Variants in KCNIP4 observed in about 807,000 individuals in gnomAD.
KCNIP4 encodes the protein potassium voltage-gated channel interacting protein 4.
KCNIP4 carries 12 observed loss-of-function variants against 34.0 expected under a neutral mutation model. The ratio of observed to expected loss-of-function variants is 0.35; its 90% confidence interval spans 0.23 to 0.57. The LOEUF (loss-of-function observed/expected upper bound fraction) is 0.57. Among genes scored for constraint, KCNIP4 ranks in the 20% least tolerant of loss-of-function variants. KCNIP4 has a pLI of 0.83. For missense variants in KCNIP4, 238 were observed against 311.7 expected (o/e 0.76, Z 1.78); for synonymous variants, 124 against 102.2 (o/e 1.21, Z -1.29).
intron 1 of KCNIP4, among the ~76,000 whole-genome samples, chr4:21,033,567 A>C (rs991117680): frequency 1.4e-4 from 21 of 152,334 alleles, no homozygotes; most frequent in Non-Finnish European, 2.6e-4. Context: ...AGAAGGATAG[A>C]GTCAGAGGAG....
chr4:21,200,180 T>A (rs946759982), intron 1 of KCNIP4, among the ~76,000 whole-genome samples: 3 of 151,618 alleles, frequency 2.0e-5, no homozygotes, highest in Non-Finnish European at 4.4e-5. Context: ...CCCTAGAATT[T>A]AAAGTATTAA....
chr4:20,932,571 C>T lies in KCNIP4; in HGVS notation c.62-49862G>A, dbSNP rs188416993. ...ATTTTAACTGCCTTTTCCCCAACCC[C>T]CACCCAAAGATAACTATGCGAGATG... On this transcript the variant is annotated intron_variant, in intron 1 of 8. Coordinates refer to ENST00000382152, the MANE Select transcript of KCNIP4 (RefSeq NM_025221.6). Among the ~76,000 whole-genome samples the T allele has an allele frequency of 6.9e-3, 1,050 of 152,112 alleles. 16 individuals carry two copies. Among genetic ancestry groups the T allele is most frequent in the African/African-American group, 0.024 (983 of 41,522 alleles).
rs186790143 is a variant in KCNIP4, at chr4:21,234,442, T to C, written c.62-351733A>G. On this transcript the variant is annotated intron_variant, in intron 1 of 8. Coordinates refer to ENST00000382152, the MANE Select transcript of KCNIP4 (RefSeq NM_025221.6). ...CTATATATATTACATATAACGTATATAATATATATTACATATAACGTATAT... is the reference window on the plus strand; with the variant it reads ...CTATATATATTACATATAACGTATACAATATATATTACATATAACGTATAT... Among the ~76,000 whole-genome samples the C allele has an allele frequency of 2.3e-3, 229 of 98,926 alleles. 23 individuals are homozygous for C. Among genetic ancestry groups the C allele is most frequent in the African/African-American group, 1.0e-2 (142 of 14,238 alleles). 64.9% of individuals were successfully genotyped at this position (98,926 alleles called of 152,430 possible).
chr4:21,611,615 C>A (rs928719945), intron 1 of KCNIP4, among the ~76,000 whole-genome samples: 1 of 152,140 alleles, frequency 6.6e-6, no homozygotes, highest in East Asian at 1.9e-4. Flanking sequence ...CACTCTATCT[C>A]TTCACCTGGT....
At chr4:21,347,827 G>T (rs1268787706) in intron 1 of KCNIP4, among the ~76,000 whole-genome samples, 1 of 152,074 alleles carries the variant, frequency 6.6e-6, no homozygotes, top group East Asian at 1.9e-4. Context: ...GTCTCAGGGA[G>T]ATAAGAAATA....
At chr4:20,857,150 T>C (rs1239689389) in intron 2 of KCNIP4, among the ~76,000 whole-genome samples, 1 of 151,962 alleles carries the variant, frequency 6.6e-6, no homozygotes. Flanking sequence ...CAAAGGGCTG[T>C]TTCTATTTCT....
intron 1 of KCNIP4, among the ~76,000 whole-genome samples, chr4:21,723,721 C>T (rs1424049292): frequency 6.6e-6 from 1 of 152,066 alleles, no homozygotes; most frequent in Non-Finnish European, 1.5e-5. Flanking sequence ...GTGCAAGGCT[C>T]TTCCTAGCCT....
At chr4:21,911,657 G>T (rs1056498361) in intron 1 of KCNIP4, among the ~76,000 whole-genome samples, 1 of 137,138 alleles carries the variant, frequency 7.3e-6, no homozygotes, top group Non-Finnish European at 1.6e-5. Context: ...CACACACACA[G>T]AGTCTGGTAT....
At chr4:21,219,170 C>T (rs540645566) in intron 1 of KCNIP4, among the ~76,000 whole-genome samples, 1 of 152,254 alleles carries the variant, frequency 6.6e-6, no homozygotes, top group African/African-American at 2.4e-5. Flanking sequence ...AGCTCTGTGG[C>T]TGGGGTTCTG....
chr4:21,131,453 C>CA (rs1751064985), intron 1 of KCNIP4, among the ~76,000 whole-genome samples: 3 of 151,880 alleles, frequency 2.0e-5, no homozygotes, highest in East Asian at 3.9e-4. Flanking sequence ...ACTAAAAATA[C>CA]AAAAAAATTA....
intron 1 of KCNIP4, among the ~76,000 whole-genome samples, chr4:21,595,443 A>G (rs1742572713): frequency 6.6e-6 from 1 of 152,168 alleles, no homozygotes; most frequent in Non-Finnish European, 1.5e-5. Context: ...ATAGTGCTAC[A>G]GTAAACATGA....
intron 1 of KCNIP4, among the ~76,000 whole-genome samples, chr4:21,368,735 A>G (rs1023066688): frequency 3.4e-5 from 5 of 147,574 alleles, no homozygotes; most frequent in Non-Finnish European, 7.3e-5. Flanking sequence ...TATAGTATCA[A>G]TTTAATTAAG....
chr4:21,046,847 C>T (rs143936563), intron 1 of KCNIP4, among the ~76,000 whole-genome samples: 2,887 of 152,280 alleles, frequency 0.019, 53 homozygotes, highest in Non-Finnish European at 0.025. Context: ...CGCCTCCTGG[C>T]CTTCCAAAGT....
chr4:21,189,976 C>G (rs1474856727), intron 1 of KCNIP4, among the ~76,000 whole-genome samples: 1 of 152,162 alleles, frequency 6.6e-6, no homozygotes, highest in Non-Finnish European at 1.5e-5. Context: ...CAGTAGATAA[C>G]TATTGAAGAA....
chr4:21,557,574 C>T (rs1381117427), intron 1 of KCNIP4, among the ~76,000 whole-genome samples: 4 of 152,112 alleles, frequency 2.6e-5, no homozygotes, highest in East Asian at 3.9e-4. Flanking sequence ...GAGAGCAATG[C>T]GTCATGGGGT....
intron 1 of KCNIP4, among the ~76,000 whole-genome samples, chr4:21,104,088 G>T (rs1217748872): frequency 6.6e-6 from 1 of 152,034 alleles, no homozygotes; most frequent in Non-Finnish European, 1.5e-5. Flanking sequence ...ATAGTCCCTT[G>T]GGTATATGCC....
intron 1 of KCNIP4, among the ~76,000 whole-genome samples, chr4:21,758,043 G>T (rs1329579104): frequency 1.3e-5 from 2 of 152,076 alleles, no homozygotes; most frequent in African/African-American, 2.4e-5. Flanking sequence ...TTTACTGTAA[G>T]AAATAAATTT....
intron 1 of KCNIP4, among the ~76,000 whole-genome samples, chr4:21,509,790 C>T (rs912596209): frequency 1.3e-5 from 2 of 152,088 alleles, no homozygotes; most frequent in African/African-American, 2.4e-5. Flanking sequence ...ATTTCCATTG[C>T]TGTTAGACTG....
At chr4:21,625,343 C>A (rs1308396387) in intron 1 of KCNIP4, among the ~76,000 whole-genome samples, 6 of 151,962 alleles carry the variant, frequency 3.9e-5, no homozygotes. Flanking sequence ...ATGAGAATGT[C>A]TATAATTACT....
Sources: gnomAD v4.1 joint callset for allele counts (sites outside exome capture counted in the v4.1 genomes callset) on GRCh38, gnomAD v4.1.1 for gene constraint, MANE v1.5 for transcripts, NCBI Gene and HGNC (gene_info 2026-07-23, HGNC 2026-07-21) for gene names.